Variants in PCDHGA1 observed in about 807,000 individuals in gnomAD.
The protein encoded by PCDHGA1 is protocadherin gamma subfamily A, 1, also known as protocadherin gamma-A1.
A neutral mutation model predicts 58.0 loss-of-function variants in PCDHGA1; 32 were observed. The ratio of observed to expected loss-of-function variants is 0.55; its 90% CI spans 0.42 to 0.74. The LOEUF is 0.74. Among genes scored for constraint, PCDHGA1 ranks in the 30% least tolerant of loss-of-function variants. The pLI, the probability that PCDHGA1 is intolerant of heterozygous loss-of-function variation, is 0.00. For missense variants in PCDHGA1, 1,205 were observed against 1,182.3 expected (o/e 1.02, Z -0.28); for synonymous variants, 498 against 501.1 (o/e 0.99, Z 0.08).
chr5:141,333,323 A>G, intron 1 of PCDHGA1: 1 of 760,578 alleles, frequency 1.3e-6, no homozygotes. Flanking sequence ...ATCATAATGT[A>G]GGTGGTTGGG....
At chr5:141,408,605 A>G (rs1374368607) in intron 1 of PCDHGA1, 1 of 1,614,060 alleles carries the variant, frequency 6.2e-7, no homozygotes, top group South Asian at 1.1e-5. Flanking sequence ...TCAATTTGAT[A>G]AAAAGGAAAT....
intron 1 of PCDHGA1, chr5:141,396,643 A>C (rs1271446592): frequency 6.6e-6 from 1 of 152,180 alleles, no homozygotes; most frequent in Admixed American, 6.5e-5. Context: ...ACTAATATTA[A>C]TAGTAAAAAC....
chr5:141,343,595 C>A (rs1757299390), intron 1 of PCDHGA1, among the ~76,000 whole-genome samples: 1 of 152,170 alleles, frequency 6.6e-6, no homozygotes, highest in African/African-American at 2.4e-5. Flanking sequence ...ATATTGGTGG[C>A]ATTAAGGTTA....
In PCDHGA1 at chr5:141,357,746, G is replaced by A; in HGVS notation, c.2421+24641G>A. ...TCTTTTAATATTTTATTGCTTTAAAGAAAACTGGTGGATGACCTTCCAATA... is the reference window on the plus strand; with the variant it reads ...TCTTTTAATATTTTATTGCTTTAAAAAAAACTGGTGGATGACCTTCCAATA... On this transcript the variant is annotated intron_variant, in intron 1 of 3. Coordinates refer to ENST00000517417, the MANE Select transcript of PCDHGA1 (RefSeq NM_018912.3). 3 of 1,173,014 alleles carry A rather than the reference G, an allele frequency of 2.6e-6. No individual in the cohort carries two copies. In the South Asian group the frequency reaches 4.9e-5, roughly 19 times the overall value. 72.7% of individuals were successfully genotyped at this position (1,173,014 alleles called of 1,614,324 possible). A position where few individuals can be genotyped will look rare whatever the true frequency, so the allele number is the denominator to read the frequency against.
chr5:141,364,176 C>T, intron 1 of PCDHGA1: 2 of 835,076 alleles, frequency 2.4e-6, no homozygotes, highest in East Asian at 6.0e-5. Context: ...CGACTCTGCT[C>T]CCTCCATACT....
chr5:141,336,687 T>C (rs1177388195), intron 1 of PCDHGA1, among the ~76,000 whole-genome samples: 1 of 152,166 alleles, frequency 6.6e-6, no homozygotes, highest in Non-Finnish European at 1.5e-5. Context: ...ATACAACTCT[T>C]AGAAGAAAAC....
chr5:141,416,006 G>A, intron 1 of PCDHGA1: 1 of 253,216 alleles, frequency 3.9e-6, no homozygotes, highest in Non-Finnish European at 7.3e-6. Context: ...GGTCTGGTAA[G>A]AATAGGTAAG....
chr5:141,350,041 C>T (rs1046482793), intron 1 of PCDHGA1: 2 of 388,654 alleles, frequency 5.1e-6, no homozygotes, highest in Non-Finnish European at 9.1e-6. Context: ...CTCTGGGCGC[C>T]GCTGTCGACC....
At chr5:141,415,804 A>C in intron 1 of PCDHGA1, 1 of 1,366,960 alleles carries the variant, frequency 7.3e-7, no homozygotes, top group Non-Finnish European at 9.4e-7. Flanking sequence ...AGTCTCAATC[A>C]AGGCCTATAT....
intron 1 of PCDHGA1, chr5:141,387,603 C>G (rs905416609): frequency 1.8e-6 from 1 of 544,680 alleles, no homozygotes; most frequent in African/African-American, 1.9e-5. Context: ...GCAGCAGAGG[C>G]TGTAGTTTCC....
chr5:141,418,714 T>C, intron 1 of PCDHGA1: 4 of 1,614,000 alleles, frequency 2.5e-6, no homozygotes, highest in Non-Finnish European at 3.4e-6. Flanking sequence ...TTGGTGTGGC[T>C]GACAAAGCTC....
chr5:141,430,804 G>T, intron 1 of PCDHGA1: 2 of 1,525,868 alleles, frequency 1.3e-6, no homozygotes, highest in Non-Finnish European at 1.8e-6. Context: ...GGCTTGTCCT[G>T]CTGGGAATCC....
chr5:141,485,882 G>C lies in PCDHGA1; in HGVS notation c.2422-8925G>C. 6.2e-7 allele frequency: 1 copy of C among 1,614,146 alleles called. No homozygotes were observed. On this transcript the variant is annotated intron_variant, in intron 1 of 3. Transcript: ENST00000517417. The surrounding 1 kb of genome is among the most constrained non-coding windows in gnomAD (Gnocchi z 5.7). ...CCGGGTATCCGTGCTGGACGTAAACGACAACGCCCCAGCCTTCCAGCAATC... is the reference window on the plus strand; with the variant it reads ...CCGGGTATCCGTGCTGGACGTAAACCACAACGCCCCAGCCTTCCAGCAATC...
chr5:141,404,392 T>A, intron 1 of PCDHGA1: 1 of 1,613,938 alleles, frequency 6.2e-7, no homozygotes, highest in Non-Finnish European at 8.5e-7. Context: ...ATGACCCTGA[T>A]AGCAATGAGA....
chr5:141,465,778 A>G (rs544366126), intron 1 of PCDHGA1, among the ~76,000 whole-genome samples: 1 of 148,538 alleles, frequency 6.7e-6, no homozygotes, highest in East Asian at 1.9e-4. Context: ...CTCTTGTTAC[A>G]GTTTTTTTTT....
At chr5:141,335,961 AAGTT>A (rs1286580072) in intron 1 of PCDHGA1, among the ~76,000 whole-genome samples, 27 of 152,354 alleles carry the variant, frequency 1.8e-4, no homozygotes, top group Admixed American at 1.2e-3. Flanking sequence ...AATTAGGAGT[AAGTT>A]TATAGACAAA....
At chr5:141,422,865 C>A in intron 1 of PCDHGA1, 6 of 1,614,244 alleles carry the variant, frequency 3.7e-6, no homozygotes, top group Non-Finnish European at 5.1e-6. Flanking sequence ...TCAGCAGCAA[C>A]GTGTCGCTGA....
At chr5:141,341,603 G>C (rs996112382) in intron 1 of PCDHGA1, 148 of 1,003,402 alleles carry the variant, frequency 1.5e-4, no homozygotes, top group Admixed American at 6.4e-4. Flanking sequence ...TGCAATGAAT[G>C]TAAACCAGGA....
At chr5:141,422,871 G>C in intron 1 of PCDHGA1, 3 of 1,614,216 alleles carry the variant, frequency 1.9e-6, no homozygotes, top group South Asian at 1.1e-5. Flanking sequence ...GCAACGTGTC[G>C]CTGAGCCTGT....
Sources: gnomAD v4.1 joint callset for allele counts (sites outside exome capture counted in the v4.1 genomes callset) on GRCh38, gnomAD v4.1.1 for gene constraint, Gnocchi (gnomAD v3.1) non-coding constraint, MANE v1.5 for transcripts, NCBI Gene and HGNC (gene_info 2026-07-23, HGNC 2026-07-21) for gene names.